The following NBAS variants were observed in gnomAD, a reference collection of about 807,000 sequenced individuals.
NBAS encodes NAG/BC035112 fusion.
In NBAS, 219 loss-of-function variants were observed where a neutral mutation model predicts 302.5. That is an observed-to-expected ratio of 0.72 (90% CI 0.65 to 0.81). The LOEUF (loss-of-function observed/expected upper bound fraction) is 0.81, where lower values mean the gene tolerates loss of function less well. Among genes scored for constraint, NBAS ranks in the 30% least tolerant of loss-of-function variants. The probability of loss-of-function intolerance (pLI) is 0.00; values close to 1 mark genes in which losing one functional copy is unlikely to be tolerated. For missense variants in NBAS, 2,932 were observed against 2,841.6 expected (o/e 1.03, Z -0.72); for synonymous variants, 1,118 against 1,021.6 (o/e 1.09, Z -1.80).
intron 16 of NBAS, among the ~76,000 whole-genome samples, chr2:15,471,099 CA>C (rs1679939938): frequency 6.6e-6 from 1 of 152,118 alleles, no homozygotes; most frequent in Non-Finnish European, 1.5e-5. Flanking sequence ...TTCCCCTCCC[CA>C]AAAAAGTACT....
At chr2:15,037,576 A>G in the NBAS span, among the ~76,000 whole-genome samples, 1 of 152,248 alleles carries the variant, frequency 6.6e-6, no homozygotes, top group Non-Finnish European at 1.5e-5. Flanking sequence ...AAATAACAAA[A>G]TTAAAATCAC....
intron 44 of NBAS, among the ~76,000 whole-genome samples, chr2:15,252,223 G>A (rs1668395956): frequency 6.6e-6 from 1 of 152,150 alleles, no homozygotes; most frequent in Non-Finnish European, 1.5e-5. Context: ...ATAGCGCCGG[G>A]CACAGGGGCT....
At chr2:15,053,672 T>C in the NBAS span, among the ~76,000 whole-genome samples, 1 of 149,342 alleles carries the variant, frequency 6.7e-6, no homozygotes, top group Non-Finnish European at 1.5e-5. Flanking sequence ...GATCTCGGGG[T>C]CCAGTTATCA....
At chr2:15,087,596 T>C in the NBAS span, among the ~76,000 whole-genome samples, 43 of 152,324 alleles carry the variant, frequency 2.8e-4, no homozygotes, top group South Asian at 1.0e-3. Flanking sequence ...GGTCAACCTC[T>C]GAAGCACCAA....
intron 44 of NBAS, among the ~76,000 whole-genome samples, chr2:15,256,054 T>C (rs1167698534): frequency 6.6e-6 from 1 of 152,202 alleles, no homozygotes; most frequent in East Asian, 1.9e-4. Context: ...TTGGGTTCTG[T>C]ATGAATTTTA....
At chr2:15,205,815 G>C (rs910796791) in intron 48 of NBAS, among the ~76,000 whole-genome samples, 4 of 152,126 alleles carry the variant, frequency 2.6e-5, no homozygotes, top group Non-Finnish European at 4.4e-5. Flanking sequence ...TGAAGATCTT[G>C]CTTCTCCTTT....
chr2:15,243,517 CA>C (rs1295828378), intron 44 of NBAS, among the ~76,000 whole-genome samples: 1 of 150,684 alleles, frequency 6.6e-6, no homozygotes, highest in Non-Finnish European at 1.5e-5. Flanking sequence ...CTTATTCTGA[CA>C]CACAACAGGT....
At chr2:14,965,054 T>C in the NBAS span, among the ~76,000 whole-genome samples, 5 of 152,174 alleles carry the variant, frequency 3.3e-5, no homozygotes, top group Non-Finnish European at 5.9e-5. Context: ...AGGAAATTTA[T>C]AATACTAGAT....
the NBAS span, among the ~76,000 whole-genome samples, chr2:14,810,934 G>C: frequency 6.6e-6 from 1 of 152,284 alleles, no homozygotes; most frequent in East Asian, 1.9e-4. Context: ...TCTGCCCAGA[G>C]CAGAAAGATT....
chr2:15,256,552 CT>C (rs1252812070), intron 44 of NBAS, among the ~76,000 whole-genome samples: 8 of 152,144 alleles, frequency 5.3e-5, no homozygotes, highest in Admixed American at 3.9e-4. Flanking sequence ...TTTCTCTTGT[CT>C]GACTGCTCTG....
intron 42 of NBAS, among the ~76,000 whole-genome samples, chr2:15,284,340 G>A (rs1669949675): frequency 6.6e-6 from 1 of 152,162 alleles, no homozygotes; most frequent in South Asian, 2.1e-4. Flanking sequence ...TGCTTAAAGA[G>A]GAGGAAAATG....
At chr2:15,280,565 C>G (rs535012812) in intron 42 of NBAS, among the ~76,000 whole-genome samples, 1 of 152,286 alleles carries the variant, frequency 6.6e-6, no homozygotes, top group East Asian at 1.9e-4. Context: ...AGACAAAAAT[C>G]ACACAACTAG....
In NBAS at chr2:15,554,136, G is replaced by C; in HGVS notation, c.212C>G (p.Pro71Arg). 1 of 1,612,756 alleles carries C rather than the reference G, an allele frequency of 6.2e-7. No homozygotes were observed. Among genetic ancestry groups the C allele is most frequent in the Non-Finnish European group, 8.5e-7 (1 of 1,179,188 alleles). Residue 71 changes from proline (P) to arginine (R), a missense_variant and splice_region_variant, in exon 4 of 52, where the codon CCG becomes CGG. Physicochemically the swap from Pro to Arg is moderately radical, Grantham distance 103. Coordinates refer to ENST00000281513, the MANE Select transcript of NBAS (RefSeq NM_015909.4). ...LFLRQYIWYS[P>R]APFLLPDGLV... ...TCCATCAGGGAGCAAAAAAGGTGCC[G>C]GGCTGAAATCACAACACATTAGTTA...
the NBAS span, among the ~76,000 whole-genome samples, chr2:15,083,103 C>G: frequency 1.3e-5 from 2 of 152,342 alleles, no homozygotes; most frequent in East Asian, 3.9e-4. Flanking sequence ...CAGGATGGAG[C>G]AAAAGTGTGG....
chr2:15,276,787 C>T (rs993458969), intron 43 of NBAS, 64 bp downstream of exon 43: 2 of 1,611,424 alleles, frequency 1.2e-6, no homozygotes, highest in Non-Finnish European at 1.7e-6. Context: ...GGATTGTGTA[C>T]AGAAAATTAA....
At chr2:15,499,777 T>G (rs937925536) in intron 11 of NBAS, among the ~76,000 whole-genome samples, 2 of 152,130 alleles carry the variant, frequency 1.3e-5, no homozygotes, top group African/African-American at 4.8e-5. Flanking sequence ...AAGTTAAATT[T>G]TTTAAAAAAG....
At chr2:15,144,611 C>T in the NBAS span, among the ~76,000 whole-genome samples, 7 of 152,156 alleles carry the variant, frequency 4.6e-5, no homozygotes, top group Admixed American at 3.9e-4. Flanking sequence ...ACATTGCTGG[C>T]CACTTTTTAT....
the NBAS span, among the ~76,000 whole-genome samples, chr2:14,904,443 A>C: frequency 6.6e-6 from 1 of 152,238 alleles, no homozygotes; most frequent in Non-Finnish European, 1.5e-5. Flanking sequence ...GGAAGCATCC[A>C]GCACGGGAGA....
chr2:14,832,627 C>A, the NBAS span, among the ~76,000 whole-genome samples: 1 of 152,180 alleles, frequency 6.6e-6, no homozygotes, highest in African/African-American at 2.4e-5. Flanking sequence ...AGTGGATAGG[C>A]AGCCTCTGAG....
Sources: gnomAD v4.1 joint callset for allele counts (sites outside exome capture counted in the v4.1 genomes callset) on GRCh38, gnomAD v4.1.1 for gene constraint, MANE v1.5 for transcripts, NCBI Gene and HGNC (gene_info 2026-07-23, HGNC 2026-07-21) for gene names.